Variants in APPL2 observed in about 807,000 individuals in gnomAD.
APPL2 encodes adaptor protein, phosphotyrosine interacting with PH domain and leucine zipper 2, also known as DCC-interacting protein 13-beta.
In APPL2, 84 loss-of-function variants were observed where a neutral mutation model predicts 92.7. The observed-to-expected ratio is 0.91, with a 90% CI of 0.76 to 1.09. The LOEUF is 1.09. APPL2 is among the 50% of genes least tolerant of loss of function. The pLI, the probability that APPL2 is intolerant of heterozygous loss-of-function variation, is 0.00. For synonymous variants in APPL2, 291 were observed against 291.0 expected, an observed-to-expected ratio of 1.00 and a Z score of 0.00; for missense variants, 736 against 824.5, an observed-to-expected ratio of 0.89 and a Z score of 1.31.
chr12:105,224,032 C>T (rs1286854141), intron 2 of APPL2, among the ~76,000 whole-genome samples: 1 of 152,138 alleles, frequency 6.6e-6, no homozygotes, highest in Non-Finnish European at 1.5e-5. Context: ...AACTCCTGTA[C>T]CTGAGTGAGT....
chr12:105,208,910 T>C (rs1358074540), intron 5 of APPL2, among the ~76,000 whole-genome samples: 1 of 152,222 alleles, frequency 6.6e-6, no homozygotes, highest in Admixed American at 6.5e-5. Context: ...ACAATCCATT[T>C]TCATTTTATC....
At chr12:105,211,566 T>C (rs1344404368) in intron 4 of APPL2, among the ~76,000 whole-genome samples, 1 of 152,194 alleles carries the variant, frequency 6.6e-6, no homozygotes, top group Non-Finnish European at 1.5e-5. Context: ...GGCCCACAGT[T>C]ACCCTGTTCA....
chr12:105,222,803 T>C (rs566094155), intron 2 of APPL2, among the ~76,000 whole-genome samples: 4 of 152,154 alleles, frequency 2.6e-5, no homozygotes, highest in South Asian at 4.2e-4. Context: ...TACAAGGCAT[T>C]TGGGCACACT....
intron 16 of APPL2, 35 bp downstream of exon 16, chr12:105,189,737 G>A (rs763273858): frequency 2.6e-4 from 422 of 1,602,444 alleles, no homozygotes; most frequent in Non-Finnish European, 3.5e-4. Flanking sequence ...ATTTTGTGCA[G>A]AGGAAAGAAT....
At chr12:105,185,679 G>A (rs571846625) in intron 17 of APPL2, among the ~76,000 whole-genome samples, 20 of 152,086 alleles carry the variant, frequency 1.3e-4, no homozygotes, top group African/African-American at 4.3e-4. Flanking sequence ...GCAGACTGGA[G>A]CTGTTCCTAT....
intron 1 of APPL2, chr12:105,233,068 T>C: frequency 1.0e-6 from 1 of 984,138 alleles, no homozygotes; most frequent in Non-Finnish European, 1.2e-6. Flanking sequence ...GTCTTCACCT[T>C]ACCTCAAAAG....
chr12:105,194,204 G>A (rs117167247), intron 14 of APPL2, among the ~76,000 whole-genome samples: 2 of 152,202 alleles, frequency 1.3e-5, no homozygotes, highest in Admixed American at 6.5e-5. Context: ...TTAATGCCAG[G>A]CTTTCATTAG....
chr12:105,177,126 T>C, intron 18 of APPL2, 100 bp downstream of exon 18: 1 of 1,595,350 alleles, frequency 6.3e-7, no homozygotes, highest in Non-Finnish European at 8.6e-7. Flanking sequence ...GTCCTATTAG[T>C]GGCAGATCTT....
In APPL2 at chr12:105,196,123, C is replaced by G. The variant is rs1250081471; in HGVS notation, c.1053-496G>C. ...GTAGGTCTGGCTCTGCCCTGATTCA[C>G]TATGTGATCTTGGACAAACATGGCC... On this transcript the variant is annotated intron_variant, in intron 11 of 20. Coordinates refer to ENST00000258530, the MANE Select transcript of APPL2 (RefSeq NM_018171.5). Among the ~76,000 whole-genome samples the G allele has an allele frequency of 2.0e-5, 3 of 151,790 alleles. No individual in the cohort carries two copies. In the East Asian group the frequency reaches 5.8e-4, roughly 29 times the overall value.
chr12:105,229,368 T>G, intron 1 of APPL2, 145 bp from the exon 2 acceptor site: 3 of 870,472 alleles, frequency 3.4e-6, no homozygotes, highest in Non-Finnish European at 5.2e-6. Context: ...CTTTTATTGA[T>G]AGTACCAGTA....
intron 1 of APPL2, among the ~76,000 whole-genome samples, chr12:105,231,394 T>C (rs1400162022): frequency 6.6e-6 from 1 of 152,258 alleles, no homozygotes; most frequent in African/African-American, 2.4e-5. Flanking sequence ...TGCTGGACGC[T>C]GTGCTGGGCA....
At chr12:105,192,072 C>T (rs1887248551) in intron 14 of APPL2, among the ~76,000 whole-genome samples, 2 of 498 alleles carry the variant, frequency 4.0e-3, no homozygotes, top group South Asian at 0.12. Context: ...TCATGCTTAA[C>T]ATGTCCAAAA....
chr12:105,177,526 AACAG>A (rs765802415), intron 17 of APPL2: 15 of 499,210 alleles, frequency 3.0e-5, no homozygotes, highest in African/African-American at 1.3e-4. Flanking sequence ...AACTTACCCA[AACAG>A]ACAGCATTAT....
rs771444015 is a variant in APPL2 at position 105,208,219 on chromosome 12, C to A, written c.374-20G>T. 1.2e-6 allele frequency: 2 copies of A among 1,614,036 alleles called. No individual in the cohort carries two copies. Among genetic ancestry groups the A allele is most frequent in the Non-Finnish European group, 1.7e-6 (2 of 1,179,894 alleles). On this transcript the variant is annotated intron_variant, in intron 5 of 20. Coordinates refer to ENST00000258530, the MANE Select transcript of APPL2 (RefSeq NM_018171.5). Reference sequence around the variant, plus strand: ...TTACTTCTGAAAAGGAGAAAAGGGACCGTCTTAGAGCAATGAAAAATAAAA... The same window carrying A: ...TTACTTCTGAAAAGGAGAAAAGGGAACGTCTTAGAGCAATGAAAAATAAAA...
Position 105,217,647 on chromosome 12 carries a change from C to G in APPL2, c.213+19G>C. 6.2e-7 allele frequency: 1 copy of G among 1,613,332 alleles called. No homozygotes were observed. The highest frequency in any genetic ancestry group is 1.7e-5 in the Admixed American group (1 of 60,012). ...TCCTGAACACAGCAGCATCACAGGCCACATAAATACCAAGTTACCTGTTTT... is the reference window on the plus strand; with the variant it reads ...TCCTGAACACAGCAGCATCACAGGCGACATAAATACCAAGTTACCTGTTTT... On this transcript the variant is annotated intron_variant, in intron 3 of 20. Transcript: ENST00000258530.
Position 105,173,308 on chromosome 12 carries a change from ATAT to A in APPL2, c.*1003_*1005del, listed in dbSNP as rs1219007457. 6.6e-6 allele frequency: 1 copy of A among 152,044 alleles called. No individual in the cohort carries two copies. Among genetic ancestry groups the A allele is most frequent in the African/African-American group, 2.4e-5 (1 of 41,268 alleles). 9.4% of individuals were successfully genotyped at this position (152,044 alleles called of 1,614,324 possible). On this transcript the variant is annotated 3_prime_UTR_variant, in exon 21 of 21. Coordinates refer to ENST00000258530, the MANE Select transcript of APPL2 (RefSeq NM_018171.5). ...AACCACATCTAACGAAAGAAACAGAATATTTTTTATTGCTAGGTTAATTTATTA... is the reference window on the plus strand; with the variant it reads ...AACCACATCTAACGAAAGAAACAGAATTTTTATTGCTAGGTTAATTTATTA...
Position 105,176,946 on chromosome 12 carries a change from C to A in APPL2, c.1742G>T (p.Arg581Leu). Reference protein sequence around the residue: ...ENKRLVGFVIRVPESTGEESL... With the variant: ...ENKRLVGFVILVPESTGEESL... ...TTCTTCTCCAGTGGATTCAGGAACA[C>A]GGATGACAAAACCAACCAGTCTCTT... Residue 581 changes from arginine to leucine, a missense_variant, in exon 19 of 21, where the codon CGT (arginine) becomes CTT (leucine). Transcript: ENST00000258530. 6.2e-7 allele frequency: 1 copy of A among 1,614,042 alleles called. No homozygotes were observed. Among genetic ancestry groups the A allele is most frequent in the South Asian group, 1.1e-5 (1 of 91,080 alleles).
intron 8 of APPL2, among the ~76,000 whole-genome samples, chr12:105,205,898 G>A (rs981345296): frequency 1.3e-5 from 2 of 152,244 alleles, no homozygotes; most frequent in African/African-American, 4.8e-5. Context: ...GAGGACTGAT[G>A]CCGCCCACAG....
At position 105,204,679 on chromosome 12, in the gene APPL2, T is replaced by A. The variant is rs74467713; in HGVS notation, c.622-894A>T. Reference sequence around the variant, plus strand: ...AATTTGTTAAATCAGCACTCTGCATTTCTAATGGCACAATGTCATGGTGGC... The same window carrying A: ...AATTTGTTAAATCAGCACTCTGCATATCTAATGGCACAATGTCATGGTGGC... On this transcript the variant is annotated intron_variant, in intron 8 of 20. Transcript: ENST00000258530. 4.3e-3 allele frequency among the ~76,000 whole-genome samples: 650 copies of A among 152,274 alleles called. 9 individuals carry two copies. The highest frequency in any genetic ancestry group is 0.015 in the African/African-American group (613 of 41,554).
Sources: gnomAD v4.1 joint callset for allele counts (sites outside exome capture counted in the v4.1 genomes callset) on GRCh38, gnomAD v4.1.1 for gene constraint, MANE v1.5 for transcripts, NCBI Gene and HGNC (gene_info 2026-07-23, HGNC 2026-07-21) for gene names.